FAM114A2: variants seen among roughly 807,000 people sequenced by gnomAD.
The protein encoded by FAM114A2 is protein FAM114A2.
FAM114A2 carries 53 observed loss-of-function variants against 58.4 expected under a neutral mutation model. That is an observed-to-expected ratio of 0.91 (90% CI 0.73 to 1.14). The LOEUF is 1.14. FAM114A2 is among the 50% of genes most tolerant of loss of function. The pLI, the probability that FAM114A2 is intolerant of heterozygous loss-of-function variation, is 0.00. For synonymous variants in FAM114A2, 228 were observed against 211.4 expected, an observed-to-expected ratio of 1.08 and a Z score of -0.68; for missense variants, 601 against 581.1, an observed-to-expected ratio of 1.03 and a Z score of -0.35.
chr5:154,023,463 T>C (rs548160116), intron 8 of FAM114A2, among the ~76,000 whole-genome samples: 112 of 152,288 alleles, frequency 7.4e-4, no homozygotes, highest in African/African-American at 2.6e-3. Context: ...AATGAATTAA[T>C]GCATTCGCAG....
intron 12 of FAM114A2, among the ~76,000 whole-genome samples, chr5:153,996,078 G>A (rs1286479858): frequency 2.0e-5 from 3 of 152,016 alleles, no homozygotes; most frequent in Admixed American, 6.6e-5. Flanking sequence ...AATGCACAAG[G>A]CCCCAAGCAG....
chr5:154,031,312 CAA>C (rs59757780), intron 4 of FAM114A2, among the ~76,000 whole-genome samples: 7 of 47,846 alleles, frequency 1.5e-4, no homozygotes, highest in East Asian at 8.2e-4. Flanking sequence ...ACTCCCTCTC[CAA>C]AAAAAAAAAA....
chr5:154,013,271 T>C (rs1433970630), intron 8 of FAM114A2, among the ~76,000 whole-genome samples: 1 of 152,178 alleles, frequency 6.6e-6, no homozygotes, highest in African/African-American at 2.4e-5. Context: ...GGAAGACTCC[T>C]TCTGAAAAAA....
intron 8 of FAM114A2, among the ~76,000 whole-genome samples, chr5:154,018,418 TA>T (rs1771189591): frequency 6.6e-6 from 1 of 151,812 alleles, no homozygotes; most frequent in South Asian, 2.1e-4. Flanking sequence ...ATGGTAATTT[TA>T]AAAATTACCA....
chr5:154,024,556 A>G (rs1771654001), intron 8 of FAM114A2, among the ~76,000 whole-genome samples: 2 of 152,158 alleles, frequency 1.3e-5, no homozygotes, highest in African/African-American at 2.4e-5. Context: ...AGAAAATCCA[A>G]CTTTACAAAG....
At position 154,033,947 on chromosome 5, in the gene FAM114A2, A is replaced by T. The variant is rs1347467323; in HGVS notation, c.311-64T>A. 4 of 1,018,224 alleles carry T rather than the reference A, an allele frequency of 3.9e-6. No individual in the cohort carries two copies. In the Admixed American group the frequency reaches 8.3e-5, roughly 21 times the overall value. 63.1% of individuals were successfully genotyped at this position (1,018,224 alleles called of 1,614,324 possible). On this transcript the variant is annotated intron_variant, in intron 3 of 13. Coordinates refer to ENST00000351797, the MANE Select transcript of FAM114A2 (RefSeq NM_018691.4). ...CCAAAACTGAAGAAACAAAAATCAA[A>T]CTTGAAGATTTTTAAAATCATTTAG...
At chr5:154,033,986 GTTA>G in intron 3 of FAM114A2, 103 bp from the exon 4 acceptor site, 1 of 751,884 alleles carries the variant, frequency 1.3e-6, no homozygotes, top group South Asian at 1.6e-5. Flanking sequence ...CACAAGACAT[GTTA>G]TTTTGACAAT....
At chr5:154,019,990 A>G (rs1771298075) in intron 8 of FAM114A2, among the ~76,000 whole-genome samples, 1 of 152,166 alleles carries the variant, frequency 6.6e-6, no homozygotes, top group Admixed American at 6.6e-5. Context: ...GGATTAAGAA[A>G]CTCACTAAAA....
intron 11 of FAM114A2, among the ~76,000 whole-genome samples, chr5:153,998,260 G>A (rs1769718469): frequency 2.0e-5 from 3 of 152,048 alleles, no homozygotes; most frequent in Non-Finnish European, 2.9e-5. Flanking sequence ...TAGCCATCTC[G>A]GTTATCAGAC....
At chr5:154,021,009 C>T (rs1439572220) in intron 8 of FAM114A2, among the ~76,000 whole-genome samples, 3 of 152,062 alleles carry the variant, frequency 2.0e-5, no homozygotes, top group Non-Finnish European at 2.9e-5. Context: ...AATCAATAAA[C>T]GTAATCCATC....
chr5:154,002,389 T>A lies in FAM114A2; in HGVS notation c.1118A>T (p.Asp373Val). 1.2e-6 allele frequency: 2 copies of A among 1,613,474 alleles called. No individual in the cohort carries two copies. The highest frequency in any genetic ancestry group is 8.5e-7 in the Non-Finnish European group (1 of 1,179,430). The change falls in exon 11 of 14, where the codon GAT (aspartate) becomes GTT (valine). Residue 373 changes from aspartate (D) to valine (V), a missense_variant and splice_region_variant. Transcript: ENST00000351797. Reference sequence around the variant, plus strand: ...GCTCCGGATTGCAAACGCATGGATATCCTGGATGGAAAAACAAAACAAAGC... The same window carrying A: ...GCTCCGGATTGCAAACGCATGGATAACCTGGATGGAAAAACAAAACAAAGC... ...TEQVNKNSIEDIHAFAIRSLA... is the reference protein window; with the variant it reads ...TEQVNKNSIEVIHAFAIRSLA...
At chr5:154,008,400 G>GTACA (rs1770481613) in intron 9 of FAM114A2, among the ~76,000 whole-genome samples, 1 of 152,104 alleles carries the variant, frequency 6.6e-6, no homozygotes. Context: ...TACTTTTGTA[G>GTACA]TACAGGTCAA....
chr5:154,028,124 G>A, intron 6 of FAM114A2, 25 bp downstream of exon 6: 2 of 1,572,536 alleles, frequency 1.3e-6, no homozygotes, highest in South Asian at 1.2e-5. Flanking sequence ...GAAACAGGAA[G>A]TAAACAGGTA....
chr5:154,030,121 A>G (rs1772082510), intron 4 of FAM114A2, among the ~76,000 whole-genome samples: 1 of 152,220 alleles, frequency 6.6e-6, no homozygotes. Flanking sequence ...TGATCAAAAC[A>G]TGTAAAACTG....
rs1769202897 is a variant in FAM114A2, at chr5:153,990,194, G to A, written c.*2782C>T. On this transcript the variant is annotated 3_prime_UTR_variant, in exon 14 of 14. Transcript: ENST00000351797. ...AATTTTATTCTGGGTTTTCTAAACTGAAGAATTCAGGTTTAAAATTCAGAA... is the reference window on the plus strand; with the variant it reads ...AATTTTATTCTGGGTTTTCTAAACTAAAGAATTCAGGTTTAAAATTCAGAA... The A allele has an allele frequency of 6.6e-6, 1 of 152,158 alleles. No individual in the cohort carries two copies. Among genetic ancestry groups the A allele is most frequent in the South Asian group, 2.1e-4 (1 of 4,828 alleles). The allele number at this position is 152,158 out of a possible 1,614,324, so 9.4% of individuals were successfully genotyped here. A position where few individuals can be genotyped will look rare whatever the true frequency, so the allele number is the denominator to read the frequency against.
chr5:154,018,735 A>T (rs182562735), intron 8 of FAM114A2, among the ~76,000 whole-genome samples: 1 of 152,352 alleles, frequency 6.6e-6, no homozygotes, highest in African/African-American at 2.4e-5. Context: ...CATACTAGGG[A>T]TGCAGGGATG....
intron 1 of FAM114A2, among the ~76,000 whole-genome samples, chr5:154,037,607 G>A (rs982200325): frequency 3.3e-5 from 5 of 152,008 alleles, no homozygotes; most frequent in Non-Finnish European, 7.4e-5. Context: ...AGGTTGCAAC[G>A]CATCATTATC....
At chr5:154,009,270 C>T (rs1321049647) in intron 9 of FAM114A2, among the ~76,000 whole-genome samples, 1 of 152,092 alleles carries the variant, frequency 6.6e-6, no homozygotes, top group African/African-American at 2.4e-5. Flanking sequence ...ATGATGGAGG[C>T]ATGCCACCTA....
chr5:154,009,160 G>T (rs1293950607), intron 9 of FAM114A2, among the ~76,000 whole-genome samples: 1 of 152,144 alleles, frequency 6.6e-6, no homozygotes, highest in African/African-American at 2.4e-5. Context: ...AATGAATCAT[G>T]CTTTCTCAAA....
Sources: gnomAD v4.1 joint callset for allele counts (sites outside exome capture counted in the v4.1 genomes callset) on GRCh38, gnomAD v4.1.1 for gene constraint, MANE v1.5 for transcripts, NCBI Gene and HGNC (gene_info 2026-07-23, HGNC 2026-07-21) for gene names.